SV2C: variants seen among roughly 807,000 people sequenced by gnomAD.
SV2C encodes solute carrier family 22 member B3.
SV2C carries 49 observed loss-of-function variants against 79.7 expected under a neutral mutation model. The observed-to-expected ratio is 0.61, with a 90% confidence interval of 0.49 to 0.78. The LOEUF (loss-of-function observed/expected upper bound fraction) is 0.78, where lower values mean the gene tolerates loss of function less well. SV2C is among the 30% of genes least tolerant of loss of function. The probability of loss-of-function intolerance (pLI) is 0.00; values close to 1 mark genes in which losing one functional copy is unlikely to be tolerated. For missense variants in SV2C, 833 were observed against 912.9 expected (o/e 0.91, Z 1.13); for synonymous variants, 334 against 333.2 (o/e 1.00, Z -0.03).
chr5:76,339,032 C>A (rs934548375), intron 12 of SV2C, among the ~76,000 whole-genome samples: 9 of 152,056 alleles, frequency 5.9e-5, no homozygotes, highest in Admixed American at 1.3e-4. Flanking sequence ...CCGAGGCAGA[C>A]ACTGTGTCAC....
chr5:75,961,445 A>G, the SV2C span, among the ~76,000 whole-genome samples: 1 of 152,036 alleles, frequency 6.6e-6, no homozygotes, highest in African/African-American at 2.4e-5. Context: ...AAACAAAGGT[A>G]AATGCAAAGT....
intron 4 of SV2C, among the ~76,000 whole-genome samples, chr5:76,228,042 T>TTCTC (rs1316181713): frequency 2.6e-5 from 4 of 151,508 alleles, no homozygotes; most frequent in African/African-American, 9.7e-5. Flanking sequence ...CTGGGGTTCT[T>TTCTC]TCTCTCTATC....
chr5:76,123,841 C>G (rs553018073), intron 1 of SV2C, among the ~76,000 whole-genome samples: 1 of 152,100 alleles, frequency 6.6e-6, no homozygotes, highest in Non-Finnish European at 1.5e-5. Context: ...AAAGTTCTGT[C>G]CTATTTGAGA....
chr5:75,940,128 A>G, the SV2C span, among the ~76,000 whole-genome samples: 2 of 152,326 alleles, frequency 1.3e-5, no homozygotes, highest in Admixed American at 1.3e-4. Context: ...TATGCTTAGT[A>G]TACAATGGGC....
At chr5:76,317,824 G>A (rs1193920484) in intron 12 of SV2C, among the ~76,000 whole-genome samples, 1 of 151,446 alleles carries the variant, frequency 6.6e-6, no homozygotes, top group Non-Finnish European at 1.5e-5. Flanking sequence ...GCAAGGCCCT[G>A]CCTCAAAAAT....
chr5:75,853,925 A>G, the SV2C span, among the ~76,000 whole-genome samples: 1 of 151,318 alleles, frequency 6.6e-6, no homozygotes, highest in Non-Finnish European at 1.5e-5. Flanking sequence ...TTTTAAATGT[A>G]CAGTTTGATT....
At chr5:75,884,218 T>G in the SV2C span, among the ~76,000 whole-genome samples, 3 of 152,164 alleles carry the variant, frequency 2.0e-5, no homozygotes, top group Non-Finnish European at 2.9e-5. Context: ...GCAAATGGAC[T>G]ATTTGATTGG....
At chr5:76,030,358 T>C in the SV2C span, among the ~76,000 whole-genome samples, 1 of 149,474 alleles carries the variant, frequency 6.7e-6, no homozygotes, top group South Asian at 2.1e-4. Flanking sequence ...TAAGAATTAT[T>C]TGCCCACACA....
the SV2C span, among the ~76,000 whole-genome samples, chr5:75,873,425 ATAATT>A: frequency 5.9e-5 from 9 of 152,172 alleles, no homozygotes; most frequent in Non-Finnish European, 1.2e-4. Context: ...AATAATTGTA[ATAATT>A]TAATTCTATA....
At chr5:76,184,222 G>A (rs1373908077) in intron 2 of SV2C, among the ~76,000 whole-genome samples, 2 of 152,122 alleles carry the variant, frequency 1.3e-5, no homozygotes, top group Non-Finnish European at 2.9e-5. Context: ...TGATTCCAGT[G>A]AGCAGCCAGA....
intron 4 of SV2C, among the ~76,000 whole-genome samples, chr5:76,278,335 T>A (rs1747084306): frequency 6.6e-6 from 1 of 152,018 alleles, no homozygotes; most frequent in East Asian, 1.9e-4. Flanking sequence ...CTTCAGATAG[T>A]GATAAGAGCT....
chr5:76,338,127 G>T (rs1482387702), downstream of SV2C, among the ~76,000 whole-genome samples: 1 of 152,228 alleles, frequency 6.6e-6, no homozygotes, highest in African/African-American at 2.4e-5. Context: ...GTGGAGAAAT[G>T]AAAACCACAA....
the SV2C span, among the ~76,000 whole-genome samples, chr5:75,970,712 C>G: frequency 6.6e-6 from 1 of 152,052 alleles, no homozygotes; most frequent in African/African-American, 2.4e-5. Flanking sequence ...AGTCCAGGAC[C>G]AGATGGATTC....
chr5:76,211,198 C>T (rs2112357345), intron 4 of SV2C, among the ~76,000 whole-genome samples: 1 of 152,282 alleles, frequency 6.6e-6, no homozygotes, highest in Admixed American at 6.5e-5. Context: ...AGGAAAACTC[C>T]TGTTGTATGG....
the SV2C span, among the ~76,000 whole-genome samples, chr5:75,849,434 C>A: frequency 6.6e-6 from 1 of 152,090 alleles, no homozygotes; most frequent in African/African-American, 2.4e-5. Context: ...TAAAGCAATA[C>A]CTTTATATTT....
the SV2C span, among the ~76,000 whole-genome samples, chr5:76,060,368 C>T: frequency 3.9e-4 from 60 of 152,088 alleles, no homozygotes; most frequent in Non-Finnish European, 1.0e-4. Flanking sequence ...CTACCTTCAC[C>T]GATGATCATG....
the SV2C span, among the ~76,000 whole-genome samples, chr5:76,011,190 A>G: frequency 5.7e-3 from 869 of 152,150 alleles, 10 homozygotes; most frequent in African/African-American, 0.02. Flanking sequence ...TCCCACAGAG[A>G]CTCTGGCTTC....
At chr5:76,315,542 C>A (rs192767877) in intron 12 of SV2C, among the ~76,000 whole-genome samples, 1 of 152,126 alleles carries the variant, frequency 6.6e-6, no homozygotes, top group African/African-American at 2.4e-5. Flanking sequence ...TCCACTCCCC[C>A]AGAGGTGACC....
chr5:75,895,054 C>T, the SV2C span, among the ~76,000 whole-genome samples: 5 of 152,072 alleles, frequency 3.3e-5, no homozygotes, highest in African/African-American at 4.8e-5. Flanking sequence ...GATCACTACG[C>T]TTACCAAGCA....
Sources: allele counts gnomAD v4.1 joint callset (sites outside exome capture counted in the v4.1 genomes callset), GRCh38; gene constraint gnomAD v4.1.1; transcripts MANE v1.5; gene names NCBI Gene and HGNC (gene_info 2026-07-23, HGNC 2026-07-21).